RCOR1: variants seen among roughly 807,000 people sequenced by gnomAD.
The protein encoded by RCOR1 is REST corepressor 1, also known as REST corepressor.
A neutral mutation model predicts 64.0 loss-of-function variants in RCOR1; 12 were observed. The ratio of observed to expected loss-of-function variants is 0.19; its 90% CI spans 0.12 to 0.30. RCOR1 has a LOEUF of 0.30. Among genes scored for constraint, RCOR1 ranks in the 10% least tolerant of loss-of-function variants. The probability of loss-of-function intolerance (pLI) is 1.00; values close to 1 mark genes in which losing one functional copy is unlikely to be tolerated. For missense variants in RCOR1, 502 were observed against 621.2 expected (o/e 0.81, Z 2.04); for synonymous variants, 279 against 227.2 (o/e 1.23, Z -2.05).
intron 2 of RCOR1, among the ~76,000 whole-genome samples, chr14:102,653,919 CCTT>C (rs1375041703): frequency 2.7e-4 from 37 of 139,120 alleles, no homozygotes; most frequent in African/African-American, 8.1e-4. Flanking sequence ...TCAGGTATTT[CCTT>C]CTTTCTTTCT....
intron 8 of RCOR1, among the ~76,000 whole-genome samples, chr14:102,719,682 T>G (rs1896139927): frequency 6.6e-6 from 1 of 152,180 alleles, no homozygotes; most frequent in South Asian, 2.1e-4. Context: ...TACTGAGCAT[T>G]TAGAGCTAGC....
chr14:102,641,306 T>C (rs1253144212), intron 2 of RCOR1, among the ~76,000 whole-genome samples: 1 of 150,880 alleles, frequency 6.6e-6, no homozygotes, highest in Non-Finnish European at 1.5e-5. Flanking sequence ...CAATAATAAA[T>C]AATATTTATG....
At chr14:102,641,560 A>G (rs889330149) in intron 2 of RCOR1, among the ~76,000 whole-genome samples, 2 of 152,182 alleles carry the variant, frequency 1.3e-5, no homozygotes, top group African/African-American at 2.4e-5. Context: ...AGATGTCGCC[A>G]CTGCACTCCA....
chr14:102,718,532 C>T (rs1338949818), intron 8 of RCOR1, among the ~76,000 whole-genome samples: 1 of 150,458 alleles, frequency 6.6e-6, no homozygotes, highest in Non-Finnish European at 1.5e-5. Context: ...AAAGAGGAAT[C>T]ACTGTGCCCA....
chr14:102,622,778 T>C (rs1893901136), intron 2 of RCOR1, among the ~76,000 whole-genome samples: 1 of 152,144 alleles, frequency 6.6e-6, no homozygotes, highest in South Asian at 2.1e-4. Flanking sequence ...ATGTCCTCTT[T>C]TTCTTTGTTG....
chr14:102,607,929 G>A lies in RCOR1; in HGVS notation c.361+14604G>A, dbSNP rs1893548064. On this transcript the variant is annotated intron_variant, in intron 2 of 11. Transcript: ENST00000262241. Reference sequence around the variant, plus strand: ...AAATTAGCCAGGTGTGGCGGTGCACGCCTCTAATCCCAGCTACTTGGGAGG... The same window carrying A: ...AAATTAGCCAGGTGTGGCGGTGCACACCTCTAATCCCAGCTACTTGGGAGG... Among the ~76,000 whole-genome samples, 3 of 152,110 alleles carry A rather than the reference G, an allele frequency of 2.0e-5. 1 individual carries two copies. The highest frequency in any genetic ancestry group is 6.8e-3 in the Middle Eastern group (2 of 294).
chr14:102,620,889 G>C (rs1214023081), intron 2 of RCOR1, among the ~76,000 whole-genome samples: 1 of 151,864 alleles, frequency 6.6e-6, no homozygotes, highest in East Asian at 1.9e-4. Flanking sequence ...GCTCAATAAG[G>C]CCTCTCCTAA....
intron 2 of RCOR1, chr14:102,656,055 G>C: frequency 1.0e-6 from 1 of 984,968 alleles, no homozygotes; most frequent in Non-Finnish European, 1.2e-6. Context: ...TGTGTAAGTT[G>C]TAATGTTTCT....
intron 3 of RCOR1, among the ~76,000 whole-genome samples, chr14:102,685,383 A>G (rs965318138): frequency 2.0e-5 from 3 of 151,692 alleles, no homozygotes; most frequent in African/African-American, 7.3e-5. Flanking sequence ...TGTATTACCT[A>G]TTGATGAATA....
At chr14:102,680,018 T>C (rs1895271210) in intron 2 of RCOR1, among the ~76,000 whole-genome samples, 1 of 152,224 alleles carries the variant, frequency 6.6e-6, no homozygotes, top group African/African-American at 2.4e-5. Context: ...AATGCCTTCT[T>C]AATAATAAGT....
At chr14:102,643,966 T>A (rs1205952065) in intron 2 of RCOR1, among the ~76,000 whole-genome samples, 3 of 152,244 alleles carry the variant, frequency 2.0e-5, no homozygotes, top group Non-Finnish European at 4.4e-5. Flanking sequence ...TAACAACTGT[T>A]GCTGTTACTA....
At chr14:102,703,163 G>C (rs1895782608) in intron 4 of RCOR1, among the ~76,000 whole-genome samples, 1 of 152,322 alleles carries the variant, frequency 6.6e-6, no homozygotes, top group Middle Eastern at 3.4e-3. Context: ...AATGATTTGA[G>C]TCTGAGCAGC....
At chr14:102,629,560 A>G (rs1192508024) in intron 2 of RCOR1, among the ~76,000 whole-genome samples, 2 of 152,152 alleles carry the variant, frequency 1.3e-5, no homozygotes, top group Non-Finnish European at 2.9e-5. Context: ...ATAGAGATAA[A>G]AAAAATGGAC....
intron 2 of RCOR1, among the ~76,000 whole-genome samples, chr14:102,612,130 A>G (rs1002512138): frequency 9.2e-5 from 14 of 151,888 alleles, no homozygotes; most frequent in African/African-American, 4.8e-5. Flanking sequence ...ACCAGGGACA[A>G]AGACCAAATA....
intron 2 of RCOR1, among the ~76,000 whole-genome samples, chr14:102,660,401 T>A (rs555927714): frequency 1.8e-4 from 27 of 152,190 alleles, no homozygotes; most frequent in Non-Finnish European, 1.8e-4. Context: ...CCCCCCTTTT[T>A]TGAGATGGGG....
At chr14:102,701,420 A>G in intron 4 of RCOR1, 90 bp downstream of exon 4, 1 of 1,009,752 alleles carries the variant, frequency 9.9e-7, no homozygotes, top group East Asian at 2.9e-5. Flanking sequence ...ATTGAGTAGC[A>G]GTGTTTCTTC....
At chr14:102,707,650 T>A in intron 5 of RCOR1, 138 bp downstream of exon 5, 1 of 733,648 alleles carries the variant, frequency 1.4e-6, no homozygotes, top group South Asian at 1.9e-5. Flanking sequence ...TTCAGCTTAG[T>A]ACATGCTGCT....
intron 2 of RCOR1, among the ~76,000 whole-genome samples, chr14:102,638,131 C>T (rs1433826131): frequency 6.6e-6 from 1 of 152,158 alleles, no homozygotes; most frequent in African/African-American, 2.4e-5. Flanking sequence ...TTATAAAGAA[C>T]AGAAACCTGT....
chr14:102,669,835 A>T (rs1894995759), intron 2 of RCOR1, among the ~76,000 whole-genome samples: 1 of 152,222 alleles, frequency 6.6e-6, no homozygotes, highest in South Asian at 2.1e-4. Context: ...AGAAGCCAAA[A>T]ATTTTGGAGT....
Sources: gnomAD v4.1 joint callset for allele counts (sites outside exome capture counted in the v4.1 genomes callset) on GRCh38, gnomAD v4.1.1 for gene constraint, MANE v1.5 for transcripts, NCBI Gene and HGNC (gene_info 2026-07-23, HGNC 2026-07-21) for gene names.